CRB1: variants seen among roughly 807,000 people sequenced by gnomAD.
The protein encoded by CRB1 is crumbs cell polarity complex component 1.
In CRB1, 83 loss-of-function variants were observed where a neutral mutation model predicts 120.0. The observed-to-expected ratio is 0.69, with a 90% confidence interval of 0.58 to 0.83. The LOEUF (loss-of-function observed/expected upper bound fraction) is 0.83, where lower values mean the gene tolerates loss of function less well. Among genes scored for constraint, CRB1 ranks in the 40% least tolerant of loss-of-function variants. The pLI is 0.00. For missense variants in CRB1, 1,699 were observed against 1,687.6 expected (o/e 1.01, Z -0.12); for synonymous variants, 625 against 612.5 (o/e 1.02, Z -0.30).
chr1:197,245,343 C>A, the CRB1 span, among the ~76,000 whole-genome samples: 957 of 152,100 alleles, frequency 6.3e-3, 14 homozygotes, highest in African/African-American at 0.022. Flanking sequence ...GCTTTAAAAT[C>A]TTTGTTAGCT....
At chr1:197,410,249 A>G (rs1663635223) in intron 5 of CRB1, among the ~76,000 whole-genome samples, 2 of 152,222 alleles carry the variant, frequency 1.3e-5, no homozygotes, top group Admixed American at 6.5e-5. Flanking sequence ...AATTGTATCT[A>G]AAATAGTAAT....
At chr1:197,275,561 C>T (rs143464393) in intron 1 of CRB1, among the ~76,000 whole-genome samples, 1 of 152,132 alleles carries the variant, frequency 6.6e-6, no homozygotes, top group East Asian at 1.9e-4. Context: ...ACTGTCCCTA[C>T]CTTTTACATA....
chr1:197,417,859 G>C (rs114811707), intron 5 of CRB1, among the ~76,000 whole-genome samples: 1 of 152,144 alleles, frequency 6.6e-6, no homozygotes, highest in Non-Finnish European at 1.5e-5. Flanking sequence ...AGGGAAGAAG[G>C]CTTCCAAATC....
intron 11 of CRB1, among the ~76,000 whole-genome samples, chr1:197,465,994 G>A (rs181234343): frequency 3.3e-5 from 5 of 152,216 alleles, no homozygotes; most frequent in Admixed American, 1.3e-4. Context: ...GTGACTTGAC[G>A]CCACACTTTA....
intron 6 of CRB1, chr1:197,422,684 A>G (rs1274125348): frequency 6.6e-6 from 1 of 152,346 alleles, no homozygotes; most frequent in Non-Finnish European, 1.5e-5. Context: ...ATTGTTCTAG[A>G]GATTGCTGTT....
chr1:197,435,031 C>T lies in CRB1; in HGVS notation c.3168C>T (p.Asp1056=), dbSNP rs1182400732. The part of the protein sequence containing the change: ...SQTSRWQMEV[D]NETPFVTSTI... ...CCTCCAGGTGGCAAATGGAAGTGGA[C>T]AACGAAACACCTTTTGTGACCAGCA... Residue 1056 remains aspartate (D), a synonymous_variant, in exon 9 of 12, where the codon GAC becomes GAT. Coordinates refer to ENST00000367400, the MANE Select transcript of CRB1 (RefSeq NM_201253.3). 1 of 1,613,788 alleles carries T rather than the reference C, an allele frequency of 6.2e-7. No individual in the cohort carries two copies. Among genetic ancestry groups the T allele is most frequent in the Non-Finnish European group, 8.5e-7 (1 of 1,179,898 alleles).
intron 5 of CRB1, among the ~76,000 whole-genome samples, chr1:197,358,995 A>G (rs1325645139): frequency 6.6e-6 from 1 of 152,184 alleles, no homozygotes. Context: ...ACTATGTCAC[A>G]TATTTTTATG....
At chr1:197,355,915 C>T (rs4915231) in intron 4 of CRB1, among the ~76,000 whole-genome samples, 85,074 of 152,166 alleles carry the variant, frequency 0.56, 27,561 homozygotes, top group South Asian at 0.81. Flanking sequence ...GCGCCCAGAG[C>T]GAGCGAGGGC....
intron 4 of CRB1, among the ~76,000 whole-genome samples, chr1:197,348,246 C>G (rs2125334817): frequency 6.6e-6 from 1 of 152,154 alleles, no homozygotes; most frequent in African/African-American, 2.4e-5. Context: ...AGGAAGTATT[C>G]CAAAAGAACG....
At chr1:197,354,628 A>G (rs1055646210) in intron 4 of CRB1, among the ~76,000 whole-genome samples, 2 of 152,056 alleles carry the variant, frequency 1.3e-5, no homozygotes, top group Non-Finnish European at 2.9e-5. Context: ...TGTTGGTCTC[A>G]GGAGTGAAGC....
intron 5 of CRB1, among the ~76,000 whole-genome samples, chr1:197,402,488 C>T (rs182341852): frequency 3.9e-5 from 6 of 152,216 alleles, no homozygotes; most frequent in East Asian, 3.9e-4. Flanking sequence ...AGATGTATGT[C>T]GTTTAAAATT....
intron 11 of CRB1, among the ~76,000 whole-genome samples, chr1:197,470,341 G>T (rs542461702): frequency 7.1e-4 from 108 of 152,238 alleles, no homozygotes; most frequent in Middle Eastern, 6.8e-3. Context: ...GGTCAGGGAA[G>T]GTCTCCCCAA....
Position 197,477,889 on chromosome 1 carries a change from G to A in CRB1, c.*10G>A, listed in dbSNP as rs756198069. The A allele has an allele frequency of 8.7e-6, 14 of 1,612,626 alleles. No homozygotes were observed. Among genetic ancestry groups the A allele is most frequent in the Admixed American group, 5.0e-5 (3 of 59,926 alleles). On this transcript the variant is annotated 3_prime_UTR_variant, in exon 12 of 12. Coordinates refer to ENST00000367400, the MANE Select transcript of CRB1 (RefSeq NM_201253.3). ...GGAGAGACTGATTTAGGAGCATTGT[G>A]TCCCTTCGAGATGGGGATCCACACA...
chr1:197,362,710 T>C (rs926445067), intron 5 of CRB1, among the ~76,000 whole-genome samples: 2 of 152,176 alleles, frequency 1.3e-5, no homozygotes, highest in African/African-American at 4.8e-5. Flanking sequence ...AAATTATATT[T>C]ACACAGCATA....
chr1:197,376,199 A>C (rs1037658104), intron 5 of CRB1, among the ~76,000 whole-genome samples: 1 of 152,058 alleles, frequency 6.6e-6, no homozygotes, highest in Non-Finnish European at 1.5e-5. Context: ...CCCTTGGAAA[A>C]TCTCATGTAA....
intron 5 of CRB1, among the ~76,000 whole-genome samples, chr1:197,418,933 T>G (rs1444618082): frequency 6.6e-6 from 1 of 152,208 alleles, no homozygotes; most frequent in Non-Finnish European, 1.5e-5. Context: ...TGCCCACACT[T>G]TCTAAATAGT....
At chr1:197,449,726 G>A (rs1273286059) in intron 11 of CRB1, among the ~76,000 whole-genome samples, 1 of 152,156 alleles carries the variant, frequency 6.6e-6, no homozygotes, top group Non-Finnish European at 1.5e-5. Context: ...TTCTAGTCCT[G>A]TAGCAGTGCC....
the CRB1 span, among the ~76,000 whole-genome samples, chr1:197,214,171 T>A: frequency 3.3e-5 from 5 of 151,896 alleles, no homozygotes; most frequent in Non-Finnish European, 7.4e-5. Flanking sequence ...AAGAAAACAA[T>A]AGAGAAGACT....
chr1:197,337,076 G>T (rs1659195235), intron 2 of CRB1, among the ~76,000 whole-genome samples: 1 of 152,194 alleles, frequency 6.6e-6, no homozygotes. Flanking sequence ...TGCTGTCCAA[G>T]GCGATGAAAA....
Sources: allele counts gnomAD v4.1 joint callset (sites outside exome capture counted in the v4.1 genomes callset), GRCh38; gene constraint gnomAD v4.1.1; transcripts MANE v1.5; gene names NCBI Gene and HGNC (gene_info 2026-07-23, HGNC 2026-07-21).